Variants in SCAMP5 observed in about 807,000 individuals in gnomAD.
The protein encoded by SCAMP5 is secretory carrier membrane protein 5.
A neutral mutation model predicts 28.3 loss-of-function variants in SCAMP5; 7 were observed. The observed-to-expected ratio is 0.25, with a 90% CI of 0.14 to 0.46. The LOEUF (loss-of-function observed/expected upper bound fraction) is 0.46. SCAMP5 is among the 20% of genes least tolerant of loss of function. The pLI, the probability that SCAMP5 is intolerant of heterozygous loss-of-function variation, is 0.99. For missense variants in SCAMP5, 192 were observed against 312.5 expected, an observed-to-expected ratio of 0.61 and a Z score of 2.91; for synonymous variants, 117 against 116.4, an observed-to-expected ratio of 1.00 and a Z score of -0.03.
At chr15:75,010,276 C>T (rs1486585087) in intron 1 of SCAMP5, among the ~76,000 whole-genome samples, 1 of 152,136 alleles carries the variant, frequency 6.6e-6, no homozygotes, top group Non-Finnish European at 1.5e-5. Context: ...ATGTCCCTAG[C>T]ACAGCTGCTC....
chr15:75,012,047 T>A (rs979864994), intron 2 of SCAMP5, among the ~76,000 whole-genome samples: 1 of 152,246 alleles, frequency 6.6e-6, no homozygotes, highest in Admixed American at 6.5e-5. Context: ...GTCAGATCTT[T>A]GGTCCTATGG....
In SCAMP5 at chr15:75,018,958, A is replaced by G. The variant is rs1311657416; in HGVS notation, c.683A>G (p.Asn228Ser). The G allele has an allele frequency of 1.3e-6, 2 of 1,532,048 alleles. No individual in the cohort carries two copies. The highest frequency in any genetic ancestry group is 1.7e-6 in the Non-Finnish European group (2 of 1,148,196). 94.9% of individuals were successfully genotyped at this position (1,532,048 alleles called of 1,614,324 possible). ...QPQTQYSATP[N>S]YTYSNEM ...CAGACTCAGTATTCCGCCACCCCCA[A>G]TTACACGTACTCCAATGAGATGTGA... The change falls in exon 7 of 7, where the codon AAT becomes AGT. Residue 228 changes from asparagine (N) to serine (S), a missense_variant. Coordinates refer to ENST00000425597, the MANE Select transcript of SCAMP5 (RefSeq NM_138967.4). The surrounding 1 kb of genome is among the most constrained non-coding windows in gnomAD (Gnocchi z 5.6).
chr15:75,007,648 C>T (rs1206874683), intron 1 of SCAMP5: 1 of 152,362 alleles, frequency 6.6e-6, no homozygotes, highest in East Asian at 1.9e-4. Flanking sequence ...TCACTGCAAC[C>T]TCTGCCTCCC....
chr15:75,000,802 T>A (rs1379290250), intron 1 of SCAMP5, among the ~76,000 whole-genome samples: 2 of 149,840 alleles, frequency 1.3e-5, no homozygotes, highest in African/African-American at 4.9e-5. Flanking sequence ...CCTAGCCCCA[T>A]TTACCTTTCA....
At chr15:75,004,674 G>A (rs1032626853) in intron 1 of SCAMP5, among the ~76,000 whole-genome samples, 8 of 151,844 alleles carry the variant, frequency 5.3e-5, no homozygotes, top group African/African-American at 1.9e-4. Flanking sequence ...AGACTGCAGT[G>A]AGCTGTGATT....
At chr15:74,998,623 G>A (rs192706829) in intron 1 of SCAMP5, among the ~76,000 whole-genome samples, 11 of 145,750 alleles carry the variant, frequency 7.5e-5, no homozygotes, top group East Asian at 2.0e-4. Flanking sequence ...AAAAAAAAAA[G>A]AACTTTGGTT....
rs569491133 is a variant in SCAMP5 at position 75,015,588 on chromosome 15, C to T, written c.137-1005C>T. Among the ~76,000 whole-genome samples the T allele has an allele frequency of 2.1e-4, 32 of 152,144 alleles. No homozygotes were observed. In the South Asian group the frequency reaches 5.2e-3, roughly 25 times the overall value. On this transcript the variant is annotated intron_variant, in intron 3 of 6. Transcript: ENST00000425597. Reference sequence around the variant, plus strand: ...ATGGGAGATGATGAGGTTGCAGTAGCAAAGGAAGACTTCTTCAAGGAGCTG... The same window carrying T: ...ATGGGAGATGATGAGGTTGCAGTAGTAAAGGAAGACTTCTTCAAGGAGCTG...
intron 1 of SCAMP5, among the ~76,000 whole-genome samples, chr15:75,000,015 C>G (rs368379778): frequency 1.9e-4 from 29 of 152,230 alleles, no homozygotes; most frequent in Middle Eastern, 3.4e-3. Flanking sequence ...TCATTTTTGT[C>G]ATATATGATT....
chr15:75,008,916 G>T (rs12906126), intron 1 of SCAMP5, among the ~76,000 whole-genome samples: 15,358 of 152,228 alleles, frequency 0.1, 992 homozygotes, highest in Middle Eastern at 0.29. Flanking sequence ...GTCGAATAAC[G>T]TGTGTGTTTG....
rs199901683 is a variant in SCAMP5, at chr15:75,018,514, T to C, written c.492T>C (p.Phe164=). 7.4e-5 allele frequency: 119 copies of C among 1,611,832 alleles called. No individual in the cohort carries two copies. In the East Asian group the frequency reaches 2.5e-3, roughly 34 times the overall value. ...TCATGTTCACAGTGATGGCCGTCTTTTCCTTCATCGCCCTCAGCATGGTAC... is the reference window on the plus strand; with the variant it reads ...TCATGTTCACAGTGATGGCCGTCTTCTCCTTCATCGCCCTCAGCATGGTAC... ...PTVMFTVMAV[F]SFIALSMVHK... The change falls in exon 6 of 7, where the codon TTT becomes TTC. Residue 164 remains phenylalanine (F), a synonymous_variant. Transcript: ENST00000425597. This position sits in a 1 kb window ranked among gnomAD's most constrained non-coding sequence, Gnocchi z 5.6.
intron 1 of SCAMP5, among the ~76,000 whole-genome samples, chr15:75,010,255 C>G (rs533921395): frequency 6.6e-6 from 1 of 152,162 alleles, no homozygotes; most frequent in African/African-American, 2.4e-5. Flanking sequence ...CCCCCAGCGT[C>G]TCTACCCTGT....
At chr15:75,014,621 G>A (rs1363908010) in intron 3 of SCAMP5, among the ~76,000 whole-genome samples, 3 of 152,172 alleles carry the variant, frequency 2.0e-5, no homozygotes, top group African/African-American at 7.2e-5. Context: ...TCTAGGGTGA[G>A]TGTGGCCAGA....
chr15:75,000,812 A>C (rs1407265147), intron 1 of SCAMP5, among the ~76,000 whole-genome samples: 2 of 150,016 alleles, frequency 1.3e-5, no homozygotes, highest in Non-Finnish European at 3.0e-5. Context: ...TTTACCTTTC[A>C]ACTCCATTTT....
At chr15:75,010,599 G>T (rs75456468) in intron 1 of SCAMP5, among the ~76,000 whole-genome samples, 55 of 152,230 alleles carry the variant, frequency 3.6e-4, no homozygotes, top group African/African-American at 1.3e-3. Context: ...GATTGCTTGA[G>T]GCCAGGAATT....
rs755328314 is a variant in SCAMP5 at position 75,018,360 on chromosome 15, G to A, written c.396-58G>A. On this transcript the variant is annotated intron_variant, in intron 5 of 6. Transcript: ENST00000425597. The surrounding 1 kb of genome is among the most constrained non-coding windows in gnomAD (Gnocchi z 5.6). ...AATGAGACGGTCCCTTCCTCTAGCG[G>A]GGGGCTCCTGGGCACCTCTTATCCT... 1.9e-6 allele frequency: 2 copies of A among 1,028,918 alleles called. No individual in the cohort carries two copies. Among genetic ancestry groups the A allele is most frequent in the South Asian group, 1.3e-5 (1 of 79,468 alleles). The allele number at this position is 1,028,918 out of a possible 1,614,324, so 63.7% of individuals were successfully genotyped here.
intron 1 of SCAMP5, 131 bp from the exon 2 acceptor site, chr15:75,011,661 G>C: frequency 2.3e-6 from 1 of 434,642 alleles, no homozygotes; most frequent in Middle Eastern, 5.5e-4. Context: ...TGCCTCCATT[G>C]CATTCACGGC....
chr15:75,000,729 G>T (rs549600572), intron 1 of SCAMP5, among the ~76,000 whole-genome samples: 1 of 135,576 alleles, frequency 7.4e-6, no homozygotes, highest in South Asian at 2.4e-4. Flanking sequence ...AAATCCTTCA[G>T]TGGCTCCCGT....
chr15:75,005,543 T>G (rs1209939501), intron 1 of SCAMP5, among the ~76,000 whole-genome samples: 1 of 152,144 alleles, frequency 6.6e-6, no homozygotes, highest in African/African-American at 2.4e-5. Flanking sequence ...TTAGATAAAT[T>G]CCCCCTGCCA....
At chr15:75,014,859 G>C (rs1387461215) in intron 3 of SCAMP5, among the ~76,000 whole-genome samples, 3 of 152,202 alleles carry the variant, frequency 2.0e-5, no homozygotes, top group African/African-American at 7.2e-5. Context: ...TAATAGGTTA[G>C]TGTCTTTTCT....
Sources: allele counts gnomAD v4.1 joint callset (sites outside exome capture counted in the v4.1 genomes callset), GRCh38; gene constraint gnomAD v4.1.1; non-coding constraint Gnocchi (gnomAD v3.1); transcripts MANE v1.5; gene names NCBI Gene and HGNC (gene_info 2026-07-23, HGNC 2026-07-21).